Variants in GALNT18 observed in about 807,000 individuals in gnomAD.
The protein encoded by GALNT18 is GalNAc-transferase 18.
In GALNT18, 44 loss-of-function variants were observed where a neutral mutation model predicts 69.5. The ratio of observed to expected loss-of-function variants is 0.63; its 90% CI spans 0.50 to 0.81. The LOEUF (loss-of-function observed/expected upper bound fraction) is 0.81, where lower values mean the gene tolerates loss of function less well. Ranked by LOEUF, GALNT18 falls within the 40% of genes least tolerant of loss-of-function variation. GALNT18 has a pLI of 0.00. For synonymous variants in GALNT18, 364 were observed against 318.2 expected (o/e 1.14, Z -1.53); for missense variants, 715 against 810.0 (o/e 0.88, Z 1.42).
In GALNT18 at chr11:11,430,856, TC is replaced by T. The variant is rs1288382036; in HGVS notation, c.595+1764del. On this transcript the variant is annotated intron_variant, in intron 3 of 10. Coordinates refer to ENST00000227756, the MANE Select transcript of GALNT18 (RefSeq NM_198516.3). This position sits in a 1 kb window ranked among gnomAD's most constrained non-coding sequence, Gnocchi z 4.9. ...ATTTCCCTTCTTCAAGATGCCCTTT[TC>T]CCCCGCCAATATAATAAAGCATGAC... 1.3e-5 allele frequency among the ~76,000 whole-genome samples: 2 copies of T among 152,090 alleles called. No individual in the cohort carries two copies. The highest frequency in any genetic ancestry group is 1.3e-4 in the Admixed American group (2 of 15,274).
intron 1 of GALNT18, among the ~76,000 whole-genome samples, chr11:11,567,294 T>A (rs1858677858): frequency 6.6e-6 from 1 of 152,086 alleles, no homozygotes; most frequent in Admixed American, 6.5e-5. Flanking sequence ...TCCCATAGAG[T>A]GGGATTTCCT....
intron 3 of GALNT18, among the ~76,000 whole-genome samples, chr11:11,399,062 C>T (rs1163802793): frequency 1.3e-5 from 2 of 152,156 alleles, no homozygotes; most frequent in African/African-American, 2.4e-5. Context: ...TCTACTCTTG[C>T]AATGTGATAG....
At chr11:11,443,700 G>A (rs1159735573) in intron 2 of GALNT18, among the ~76,000 whole-genome samples, 1 of 152,202 alleles carries the variant, frequency 6.6e-6, no homozygotes, top group African/African-American at 2.4e-5. Context: ...CCCAGACCAG[G>A]AAGGAAGCAA....
At chr11:11,295,841 G>A (rs1849390240) in intron 9 of GALNT18, among the ~76,000 whole-genome samples, 1 of 152,154 alleles carries the variant, frequency 6.6e-6, no homozygotes, top group African/African-American at 2.4e-5. Flanking sequence ...GGCCAAATGT[G>A]GGATGTCCAG....
chr11:11,319,661 C>A (rs1238250005), intron 9 of GALNT18, among the ~76,000 whole-genome samples: 5 of 152,196 alleles, frequency 3.3e-5, no homozygotes, highest in African/African-American at 7.2e-5. Context: ...TTCAGAATGT[C>A]CCTGGAGCCT....
rs72863052 is a variant in GALNT18 at position 11,459,345 on chromosome 11, C to T, written c.236-10409G>A. On this transcript the variant is annotated intron_variant, in intron 1 of 10. Transcript: ENST00000227756. The surrounding 1 kb of genome is among the most constrained non-coding windows in gnomAD (Gnocchi z 5.0). ...ACCAATCAGGAGGAAGGAGCCCTGA[C>T]AGTCTCAGGTCCAACACCATTAAAA... Among the ~76,000 whole-genome samples the T allele has an allele frequency of 0.055, 8,415 of 152,258 alleles. 325 individuals carry two copies. The highest frequency in any genetic ancestry group is 0.092 in the Middle Eastern group (27 of 294).
chr11:11,613,937 C>T lies in GALNT18; in HGVS notation c.235+7422G>A, dbSNP rs1312665064. ...GTTACATTTATCACTCACATTCAGC[C>T]GGGTTTTCCCTCCAGGAACTTTCTG... On this transcript the variant is annotated intron_variant, in intron 1 of 10. Transcript: ENST00000227756. This position sits in a 1 kb window ranked among gnomAD's most constrained non-coding sequence, Gnocchi z 4.2. Among the ~76,000 whole-genome samples the T allele has an allele frequency of 6.6e-6, 1 of 152,150 alleles. No individual in the cohort carries two copies. Among genetic ancestry groups the T allele is most frequent in the Admixed American group, 6.5e-5 (1 of 15,282 alleles).
chr11:11,432,210 C>T lies in GALNT18; in HGVS notation c.595+411G>A, dbSNP rs569974236. Among the ~76,000 whole-genome samples, 5 of 152,358 alleles carry T rather than the reference C, an allele frequency of 3.3e-5. No homozygotes were observed. The East Asian group carries it at 7.7e-4, about 23-fold the overall frequency. On this transcript the variant is annotated intron_variant, in intron 3 of 10. Transcript: ENST00000227756. The surrounding 1 kb of genome is among the most constrained non-coding windows in gnomAD (Gnocchi z 5.8). ...CCTCCATCACCACCAGCACCATCAT[C>T]ACCACTGCCACTGCTAACATAACAC... is the stretch of plus-strand genomic sequence containing the variant.
In GALNT18 at chr11:11,329,757, A is replaced by G. The variant is rs151218720; in HGVS notation, c.1417-2576T>C. On this transcript the variant is annotated intron_variant, in intron 8 of 10. Transcript: ENST00000227756. Reference sequence around the variant, plus strand: ...TCGTGGAGTGGGTGAGTGAGTGGGTACATGAAAAACATGCGTAAATGACTG... The same window carrying G: ...TCGTGGAGTGGGTGAGTGAGTGGGTGCATGAAAAACATGCGTAAATGACTG... Among the ~76,000 whole-genome samples the G allele has an allele frequency of 2.4e-3, 360 of 152,336 alleles. 1 individual carries two copies. Among genetic ancestry groups the G allele is most frequent in the African/African-American group, 2.2e-3 (93 of 41,584 alleles).
In GALNT18 at chr11:11,387,760, A is replaced by G. The variant is rs1221974588; in HGVS notation, c.596-8496T>C. Among the ~76,000 whole-genome samples, 1 of 152,216 alleles carries G rather than the reference A, an allele frequency of 6.6e-6. No homozygotes were observed. Among genetic ancestry groups the G allele is most frequent in the Non-Finnish European group, 1.5e-5 (1 of 68,034 alleles). Reference sequence around the variant, plus strand: ...GACAGATGTCACCGTCCGCACCTCCATGGAGAATCTGGAGTGGGGGCTCAG... The same window carrying G: ...GACAGATGTCACCGTCCGCACCTCCGTGGAGAATCTGGAGTGGGGGCTCAG... On this transcript the variant is annotated intron_variant, in intron 3 of 10. Transcript: ENST00000227756. This position sits in a 1 kb window ranked among gnomAD's most constrained non-coding sequence, Gnocchi z 4.6.
intron 1 of GALNT18, among the ~76,000 whole-genome samples, chr11:11,464,597 C>A (rs1856116495): frequency 6.6e-6 from 1 of 152,124 alleles, no homozygotes; most frequent in Admixed American, 6.5e-5. Context: ...TGAGTACCCA[C>A]AGAAAAGTGA....
chr11:11,391,180 C>G (rs1313450152), intron 3 of GALNT18, among the ~76,000 whole-genome samples: 1 of 152,242 alleles, frequency 6.6e-6, no homozygotes, highest in African/African-American at 2.4e-5. Flanking sequence ...GGCCACTTAC[C>G]ACCTAGCCAC....
rs546034394 is a variant in GALNT18, at chr11:11,582,909, C to A, written c.235+38450G>T. ...GCCACAGAGCACAGCCACTGCCACA[C>A]ACACCCCACAGAAGTGGTTGTCATG... On this transcript the variant is annotated intron_variant, in intron 1 of 10. Coordinates refer to ENST00000227756, the MANE Select transcript of GALNT18 (RefSeq NM_198516.3). The surrounding 1 kb of genome is among the most constrained non-coding windows in gnomAD (Gnocchi z 5.0). Among the ~76,000 whole-genome samples the A allele has an allele frequency of 9.3e-4, 141 of 152,344 alleles. No individual in the cohort carries two copies. The highest frequency in any genetic ancestry group is 1.6e-3 in the Non-Finnish European group (108 of 68,038).
intron 3 of GALNT18, among the ~76,000 whole-genome samples, chr11:11,416,947 C>T (rs571391709): frequency 6.6e-5 from 10 of 152,360 alleles, no homozygotes; most frequent in African/African-American, 2.4e-4. Context: ...ATGAGCCCCA[C>T]CTGACTGACA....
At chr11:11,558,677 C>CTT (rs564095577) in intron 1 of GALNT18, among the ~76,000 whole-genome samples, 123 of 152,366 alleles carry the variant, frequency 8.1e-4, no homozygotes, top group African/African-American at 2.9e-3. Flanking sequence ...ATAAAGCTCC[C>CTT]CTCTTCTGAC....
intron 9 of GALNT18, among the ~76,000 whole-genome samples, chr11:11,307,789 T>C (rs575431106): frequency 3.3e-5 from 5 of 152,322 alleles, no homozygotes; most frequent in Admixed American, 3.3e-4. Flanking sequence ...TTCTTCATGG[T>C]AACTGGGATG....
chr11:11,482,847 G>A (rs529714089), intron 1 of GALNT18, among the ~76,000 whole-genome samples: 164 of 148,966 alleles, frequency 1.1e-3, no homozygotes, highest in African/African-American at 3.9e-3. Context: ...TGTCCTGCCT[G>A]CTACAAAGCT....
In GALNT18 at chr11:11,339,697, G is replaced by A. The variant is rs1004578392; in HGVS notation, c.1278+1122C>T. ...GCTGCACTCTGGCTGATATTTCTCC[G>A]CTCCTCATTCTTGCTCCCAACTGCT... On this transcript the variant is annotated intron_variant, in intron 7 of 10. Coordinates refer to ENST00000227756, the MANE Select transcript of GALNT18 (RefSeq NM_198516.3). This position sits in a 1 kb window ranked among gnomAD's most constrained non-coding sequence, Gnocchi z 5.2. Among the ~76,000 whole-genome samples, 8 of 152,060 alleles carry A rather than the reference G, an allele frequency of 5.3e-5. No individual in the cohort carries two copies. The highest frequency in any genetic ancestry group is 1.7e-4 in the African/African-American group (7 of 41,402).
intron 1 of GALNT18, among the ~76,000 whole-genome samples, chr11:11,503,183 G>A (rs921820343): frequency 1.3e-5 from 2 of 152,324 alleles, no homozygotes; most frequent in South Asian, 2.1e-4. Flanking sequence ...TGAAGGCATC[G>A]GAGGTAATAT....
Sources: allele counts gnomAD v4.1 joint callset (sites outside exome capture counted in the v4.1 genomes callset), GRCh38; gene constraint gnomAD v4.1.1; non-coding constraint Gnocchi (gnomAD v3.1); transcripts MANE v1.5; gene names NCBI Gene and HGNC (gene_info 2026-07-23, HGNC 2026-07-21).